SLC25A27: variants seen among roughly 807,000 people sequenced by gnomAD.
SLC25A27 encodes solute carrier family 25 member 27.
A neutral mutation model predicts 49.1 loss-of-function variants in SLC25A27; 35 were observed. The ratio of observed to expected loss-of-function variants is 0.71; its 90% confidence interval spans 0.54 to 0.95. SLC25A27 has a LOEUF of 0.95. SLC25A27 is among the 40% of genes least tolerant of loss of function. The pLI is 0.00. For missense variants in SLC25A27, 339 were observed against 397.1 expected (o/e 0.85, Z 1.24); for synonymous variants, 144 against 136.9 (o/e 1.05, Z -0.36).
At position 46,676,943 on chromosome 6, in the gene SLC25A27, C is replaced by A; in HGVS notation, c.*489C>A. The A allele has an allele frequency of 2.4e-6, 1 of 412,354 alleles. No individual in the cohort carries two copies. The highest frequency in any genetic ancestry group is 4.3e-6 in the Non-Finnish European group (1 of 232,494). The allele number at this position is 412,354 out of a possible 1,614,324, so 25.5% of individuals were successfully genotyped here. ...ATTCACTTTTCTGTCATTGTTAAAG[C>A]GTACATACTGTAAATTAAAGGGAGG... On this transcript the variant is annotated 3_prime_UTR_variant, in exon 9 of 9. Coordinates refer to ENST00000371347, the MANE Select transcript of SLC25A27 (RefSeq NM_004277.5).
intron 3 of SLC25A27, 62 bp from the exon 4 acceptor site, chr6:46,662,314 G>C: frequency 1.4e-5 from 20 of 1,469,066 alleles, no homozygotes; most frequent in Non-Finnish European, 1.9e-5. Flanking sequence ...GCTCAGTATT[G>C]GTTCACTATA....
In SLC25A27 at chr6:46,664,798, T is replaced by A; in HGVS notation, c.531T>A (p.Phe177Leu). ...GATTTCGTGGTGTACATCATGCATT[T>A]GCAAAAATCTTAGCTGAAGGAGGAA... is the stretch of plus-strand genomic sequence containing the variant. Reference protein sequence around the residue: ...PLRFRGVHHAFAKILAEGGIR... With the variant: ...PLRFRGVHHALAKILAEGGIR... The change falls in exon 5 of 9, where the codon TTT becomes TTA. Residue 177 changes from phenylalanine (F) to leucine (L), a missense_variant. Phe to Leu is a conservative substitution (Grantham distance 22, BLOSUM62 0). Transcript: ENST00000371347. The A allele has an allele frequency of 6.2e-7, 1 of 1,608,210 alleles. No homozygotes were observed. The highest frequency in any genetic ancestry group is 8.5e-7 in the Non-Finnish European group (1 of 1,176,664).
In SLC25A27 at chr6:46,658,987, A is replaced by G. The variant is rs763689547; in HGVS notation, c.324A>G (p.Thr108=). The change falls in exon 3 of 9, where the codon ACA becomes ACG. Residue 108 remains threonine (T), a synonymous_variant. Transcript: ENST00000371347. ...HVVYSGGRMV[T]YEHLREVVFG... The stretch of plus-strand genomic sequence containing the variant: ...TGTATTCTGGAGGTCGAATGGTCAC[A>G]TATGAACATCTCCGAGAGGTTGTGT... 1 of 1,613,870 alleles carries G rather than the reference A, an allele frequency of 6.2e-7. No homozygotes were observed. Among genetic ancestry groups the G allele is most frequent in the Non-Finnish European group, 8.5e-7 (1 of 1,179,742 alleles).
chr6:46,672,201 G>C (rs977948294), intron 8 of SLC25A27, among the ~76,000 whole-genome samples: 1 of 152,042 alleles, frequency 6.6e-6, no homozygotes, highest in Non-Finnish European at 1.5e-5. Flanking sequence ...CCAGGAAAGA[G>C]GGCAGGAAAA....
In SLC25A27 at chr6:46,659,061, G is replaced by T. The variant is rs1442347801; in HGVS notation, c.383+15G>T. On this transcript the variant is annotated intron_variant, in intron 3 of 8. Coordinates refer to ENST00000371347, the MANE Select transcript of SLC25A27 (RefSeq NM_004277.5). Reference sequence around the variant, plus strand: ...TATCCCCTTTGGTAAGTTTTGTTTGGAAAATAATATGCTGTTGCCCCAAAT... The same window carrying T: ...TATCCCCTTTGGTAAGTTTTGTTTGTAAAATAATATGCTGTTGCCCCAAAT... The T allele has an allele frequency of 1.9e-6, 3 of 1,555,448 alleles. No homozygotes were observed. In the African/African-American group the frequency reaches 4.1e-5, roughly 21 times the overall value.
At chr6:46,662,252 G>A in intron 3 of SLC25A27, 124 bp from the exon 4 acceptor site, 1 of 771,888 alleles carries the variant, frequency 1.3e-6, no homozygotes, top group Non-Finnish European at 2.1e-6. Flanking sequence ...ACTTACTTGG[G>A]TATATCCTTT....
Position 46,676,964 on chromosome 6 carries a change from G to C in SLC25A27, c.*510G>C, listed in dbSNP as rs140524072. On this transcript the variant is annotated 3_prime_UTR_variant, in exon 9 of 9. Coordinates refer to ENST00000371347, the MANE Select transcript of SLC25A27 (RefSeq NM_004277.5). ...AAAGCGTACATACTGTAAATTAAAGGGAGGTGAATGGAAATTAATGAATAA... is the reference window on the plus strand; with the variant it reads ...AAAGCGTACATACTGTAAATTAAAGCGAGGTGAATGGAAATTAATGAATAA... 3 of 343,530 alleles carry C rather than the reference G, an allele frequency of 8.7e-6. No homozygotes were observed. Among genetic ancestry groups the C allele is most frequent in the African/African-American group, 4.2e-5 (2 of 47,428 alleles). The allele number at this position is 343,530 out of a possible 1,614,324, so 21.3% of individuals were successfully genotyped here.
At chr6:46,655,350 C>T (rs1762936613) in intron 1 of SLC25A27, among the ~76,000 whole-genome samples, 1 of 152,016 alleles carries the variant, frequency 6.6e-6, no homozygotes, top group Admixed American at 6.5e-5. Flanking sequence ...ATATATAGTG[C>T]AGTATTCTAA....
At chr6:46,670,266 C>T in intron 7 of SLC25A27, 39 bp downstream of exon 7, 2 of 1,227,962 alleles carry the variant, frequency 1.6e-6, no homozygotes, top group Non-Finnish European at 2.4e-6. Flanking sequence ...GCTTGAATAT[C>T]TGTAATACCT....
rs558271366 is a variant in SLC25A27 at position 46,658,464 on chromosome 6, T to A, written c.299-498T>A. 1.8e-4 allele frequency: 77 copies of A among 436,832 alleles called. No homozygotes were observed. In the East Asian group the frequency reaches 4.9e-3, roughly 28 times the overall value. The allele number at this position is 436,832 out of a possible 1,614,324, so 27.1% of individuals were successfully genotyped here. The stretch of plus-strand genomic sequence containing the variant: ...ATACGTTTGATGCTTAGCTGAAAAA[T>A]TACAATAAATTCTCCAATGAAATTA... On this transcript the variant is annotated intron_variant, in intron 2 of 8. Coordinates refer to ENST00000371347, the MANE Select transcript of SLC25A27 (RefSeq NM_004277.5).
chr6:46,656,382 G>C (rs926885807), intron 2 of SLC25A27, among the ~76,000 whole-genome samples: 1 of 142,166 alleles, frequency 7.0e-6, no homozygotes, highest in Non-Finnish European at 1.5e-5. Flanking sequence ...GTCTCGCTCT[G>C]TTGCCCAGGC....
intron 3 of SLC25A27, among the ~76,000 whole-genome samples, chr6:46,661,167 A>G (rs1174397294): frequency 6.6e-6 from 1 of 152,202 alleles, no homozygotes; most frequent in African/African-American, 2.4e-5. Context: ...ATGCAAAGAG[A>G]AAAAATATGA....
intron 1 of SLC25A27, among the ~76,000 whole-genome samples, chr6:46,654,468 A>G (rs999553378): frequency 9.2e-5 from 14 of 152,320 alleles, no homozygotes; most frequent in African/African-American, 2.9e-4. Context: ...AGATTGCTGA[A>G]TGATATTTCC....
At chr6:46,674,417 A>G (rs1039782009) in intron 8 of SLC25A27, among the ~76,000 whole-genome samples, 2 of 152,114 alleles carry the variant, frequency 1.3e-5, no homozygotes, top group Non-Finnish European at 1.5e-5. Context: ...TTACTGATAC[A>G]ATATACTGAT....
In SLC25A27 at chr6:46,665,641, G is replaced by A. The variant is rs150626998; in HGVS notation, c.619+755G>A. Among the ~76,000 whole-genome samples the A allele has an allele frequency of 2.5e-3, 385 of 152,082 alleles. 2 individuals are homozygous for A. Among genetic ancestry groups the A allele is most frequent in the African/African-American group, 8.6e-3 (355 of 41,486 alleles). On this transcript the variant is annotated intron_variant, in intron 5 of 8. Transcript: ENST00000371347. Reference sequence around the variant, plus strand: ...GCGAAGCTTGCAGTGAGCTGAGATCGCGCCACTGTACTCTAGACTGGGCAA... The same window carrying A: ...GCGAAGCTTGCAGTGAGCTGAGATCACGCCACTGTACTCTAGACTGGGCAA...
chr6:46,656,809 C>T (rs759015508), intron 2 of SLC25A27, among the ~76,000 whole-genome samples: 4 of 152,156 alleles, frequency 2.6e-5, no homozygotes, highest in South Asian at 2.1e-4. Context: ...CGCATACTCA[C>T]GTATTTAGGG....
chr6:46,668,196 A>T (rs138778021), intron 5 of SLC25A27, among the ~76,000 whole-genome samples: 2 of 152,218 alleles, frequency 1.3e-5, no homozygotes, highest in East Asian at 3.9e-4. Flanking sequence ...ATATTGAAAA[A>T]TTAGCCAGAT....
chr6:46,667,413 C>T (rs995639739), intron 5 of SLC25A27, among the ~76,000 whole-genome samples: 1 of 152,146 alleles, frequency 6.6e-6, no homozygotes, highest in Non-Finnish European at 1.5e-5. Flanking sequence ...AGTAAGAACT[C>T]GATAGTTCTA....
intron 5 of SLC25A27, among the ~76,000 whole-genome samples, chr6:46,667,248 C>A (rs189116003): frequency 2.8e-4 from 43 of 152,258 alleles, no homozygotes; most frequent in Non-Finnish European, 5.3e-4. Context: ...GGTTTGCTGG[C>A]TGATCCTGTT....
Sources: allele counts gnomAD v4.1 joint callset (sites outside exome capture counted in the v4.1 genomes callset), GRCh38; gene constraint gnomAD v4.1.1; transcripts MANE v1.5; gene names NCBI Gene and HGNC (gene_info 2026-07-23, HGNC 2026-07-21).